Variants in KCND2 observed in about 807,000 individuals in gnomAD.
KCND2 encodes A-type voltage-gated potassium channel KCND2.
A neutral mutation model predicts 54.4 loss-of-function variants in KCND2; 16 were observed. That is an observed-to-expected ratio of 0.29 (90% confidence interval 0.20 to 0.45). The LOEUF (loss-of-function observed/expected upper bound fraction) is 0.45, where lower values mean the gene tolerates loss of function less well. Ranked by LOEUF, KCND2 falls within the 20% of genes least tolerant of loss-of-function variation. The pLI, the probability that KCND2 is intolerant of heterozygous loss-of-function variation, is 1.00. For synonymous variants in KCND2, 317 were observed against 310.7 expected (o/e 1.02, Z -0.21); for missense variants, 486 against 824.2 (o/e 0.59, Z 5.02).
intron 1 of KCND2, among the ~76,000 whole-genome samples, chr7:120,550,842 T>A (rs1172088556): frequency 7.9e-5 from 12 of 152,184 alleles, no homozygotes; most frequent in Admixed American, 7.9e-4. Context: ...AGCACATGAA[T>A]GGAGTTGGAA....
intron 1 of KCND2, among the ~76,000 whole-genome samples, chr7:120,282,229 T>A (rs1359222535): frequency 3.3e-5 from 5 of 152,184 alleles, no homozygotes; most frequent in Admixed American, 3.3e-4. Context: ...GATACTTTGA[T>A]GATGCTTCAT....
At chr7:120,467,000 A>G (rs1334317359) in intron 1 of KCND2, among the ~76,000 whole-genome samples, 1 of 152,164 alleles carries the variant, frequency 6.6e-6, no homozygotes, top group Non-Finnish European at 1.5e-5. Flanking sequence ...TTTGAAAGAC[A>G]TTCGTGATTC....
chr7:120,297,568 AC>A (rs1249071433), intron 1 of KCND2, among the ~76,000 whole-genome samples: 1 of 152,110 alleles, frequency 6.6e-6, no homozygotes, highest in East Asian at 1.9e-4. Context: ...CTGAGCAGAT[AC>A]CCAGAGTGGG....
At chr7:120,360,736 A>G (rs1193537543) in intron 1 of KCND2, among the ~76,000 whole-genome samples, 1 of 152,040 alleles carries the variant, frequency 6.6e-6, no homozygotes, top group Non-Finnish European at 1.5e-5. Flanking sequence ...GCTCTTCTTA[A>G]TCTTGACGCC....
intron 1 of KCND2, among the ~76,000 whole-genome samples, chr7:120,322,956 T>C (rs1799913382): frequency 6.6e-6 from 1 of 152,148 alleles, no homozygotes. Flanking sequence ...ATAAAATAAA[T>C]AGTTTTAAAA....
intron 1 of KCND2, among the ~76,000 whole-genome samples, chr7:120,672,032 T>A (rs796597271): frequency 6.6e-6 from 1 of 152,110 alleles, no homozygotes; most frequent in Non-Finnish European, 1.5e-5. Context: ...CTTTATCTCC[T>A]TCAAAGCCTG....
intron 1 of KCND2, among the ~76,000 whole-genome samples, chr7:120,439,845 T>C: frequency 6.6e-6 from 1 of 152,078 alleles, no homozygotes; most frequent in Admixed American, 6.6e-5. Flanking sequence ...TTCCATTATT[T>C]TTATGTCTAA....
intron 1 of KCND2, among the ~76,000 whole-genome samples, chr7:120,658,898 G>A (rs1292208806): frequency 2.0e-5 from 3 of 152,134 alleles, no homozygotes; most frequent in Non-Finnish European, 2.9e-5. Flanking sequence ...GGTCTATACC[G>A]GCAGAACTGT....
intron 1 of KCND2, among the ~76,000 whole-genome samples, chr7:120,671,513 A>G (rs1288371516): frequency 6.6e-6 from 1 of 152,032 alleles, no homozygotes; most frequent in Non-Finnish European, 1.5e-5. Context: ...GGAGCCACTC[A>G]GTAAATATTT....
intron 5 of KCND2, chr7:120,746,676 C>T: frequency 6.6e-6 from 1 of 152,548 alleles, no homozygotes; most frequent in East Asian, 1.9e-4. Flanking sequence ...CTGTTTTTAC[C>T]ACAAATGTGT....
intron 1 of KCND2, among the ~76,000 whole-genome samples, chr7:120,720,610 A>G (rs942374649): frequency 7.9e-5 from 12 of 152,096 alleles, no homozygotes; most frequent in African/African-American, 2.9e-4. Flanking sequence ...GTTTCTTTGC[A>G]TCTTGTAAGG....
chr7:120,361,422 T>C (rs575571166), intron 1 of KCND2, among the ~76,000 whole-genome samples: 4 of 151,728 alleles, frequency 2.6e-5, no homozygotes, highest in African/African-American at 9.7e-5. Context: ...CCTAATGAGA[T>C]AAAGCTTAGA....
chr7:120,724,238 T>C (rs928189173), intron 1 of KCND2, among the ~76,000 whole-genome samples: 2 of 152,200 alleles, frequency 1.3e-5, no homozygotes, highest in Admixed American at 6.5e-5. Context: ...TAAGAGAAGA[T>C]AGGCCTGTAA....
chr7:120,651,370 G>C (rs1395559543), intron 1 of KCND2, among the ~76,000 whole-genome samples: 1 of 152,120 alleles, frequency 6.6e-6, no homozygotes, highest in African/African-American at 2.4e-5. Flanking sequence ...TCAGACTGCT[G>C]TGCCAGCAAT....
chr7:120,334,603 T>A (rs922666762), intron 1 of KCND2, among the ~76,000 whole-genome samples: 3 of 152,172 alleles, frequency 2.0e-5, no homozygotes, highest in Non-Finnish European at 2.9e-5. Context: ...AACCACACTT[T>A]CCGTATATGG....
intron 1 of KCND2, among the ~76,000 whole-genome samples, chr7:120,306,274 C>A (rs1043503226): frequency 2.6e-5 from 4 of 152,062 alleles, no homozygotes; most frequent in Admixed American, 6.6e-5. Flanking sequence ...GACCATATTT[C>A]TCTTTATTTA....
chr7:120,511,677 AC>A (rs2116332432), intron 1 of KCND2, among the ~76,000 whole-genome samples: 1 of 152,246 alleles, frequency 6.6e-6, no homozygotes, highest in Non-Finnish European at 1.5e-5. Context: ...TATCAGTGGG[AC>A]AATACTTACC....
intron 1 of KCND2, among the ~76,000 whole-genome samples, chr7:120,413,359 A>T (rs1801477482): frequency 6.6e-6 from 1 of 152,000 alleles, no homozygotes; most frequent in Non-Finnish European, 1.5e-5. Flanking sequence ...CAGCAGAGTC[A>T]TCAAATACTA....
chr7:120,387,134 A>G (rs914129735), intron 1 of KCND2, among the ~76,000 whole-genome samples: 1 of 152,126 alleles, frequency 6.6e-6, no homozygotes, highest in Non-Finnish European at 1.5e-5. Flanking sequence ...TGTTTGGATT[A>G]CCACTAAATT....
Sources: gnomAD v4.1 joint callset for allele counts (sites outside exome capture counted in the v4.1 genomes callset) on GRCh38, gnomAD v4.1.1 for gene constraint, MANE v1.5 for transcripts, NCBI Gene and HGNC (gene_info 2026-07-23, HGNC 2026-07-21) for gene names.